CACNA2D4: variants seen among roughly 807,000 people sequenced by gnomAD.
CACNA2D4 encodes the protein calcium voltage-gated channel auxiliary subunit alpha2delta 4.
In CACNA2D4, 157 loss-of-function variants were observed where a neutral mutation model predicts 163.8. The observed-to-expected ratio is 0.96, with a 90% CI of 0.84 to 1.09. The LOEUF is 1.09. Ranked by LOEUF, CACNA2D4 falls within the 50% of genes least tolerant of loss-of-function variation. The pLI is 0.00. For missense variants in CACNA2D4, 1,410 were observed against 1,479.9 expected (o/e 0.95, Z 0.78); for synonymous variants, 598 against 586.9 (o/e 1.02, Z -0.27).
rs772802489 is a variant in CACNA2D4, at chr12:1,858,586, C to G, written c.1999G>C (p.Val667Leu). 6.2e-7 allele frequency: 1 copy of G among 1,613,522 alleles called. No individual in the cohort carries two copies. Among genetic ancestry groups the G allele is most frequent in the Non-Finnish European group, 8.5e-7 (1 of 1,179,690 alleles). Reference protein sequence around the residue: ...GEYILLGNTSVEEGLHDLLHP... With the variant: ...GEYILLGNTSLEEGLHDLLHP... Reference sequence around the variant, plus strand: ...CCTGGTACCGACCCACCTTCTTCCACAGACGTGTTCCCCAGAAGGATGTAT... The same window carrying G: ...CCTGGTACCGACCCACCTTCTTCCAGAGACGTGTTCCCCAGAAGGATGTAT... Residue 667 changes from valine (V) to leucine (L), a missense_variant, in exon 20 of 38, where the codon GTG becomes CTG. Transcript: ENST00000382722.
In CACNA2D4 at chr12:1,828,278, G is replaced by C. The variant is rs1477826071; in HGVS notation, c.2551+12461C>G. On this transcript the variant is annotated intron_variant, in intron 26 of 37. Coordinates refer to ENST00000382722, the MANE Select transcript of CACNA2D4 (RefSeq NM_172364.5). This position sits in a 1 kb window ranked among gnomAD's most constrained non-coding sequence, Gnocchi z 4.2. ...GGGTGGGGGTGCCGAGGTGACTGTA[G>C]GTAGCGCCATATGGGACCTTAGCCA... 18 of 1,410,840 alleles carry C rather than the reference G, an allele frequency of 1.3e-5. No individual in the cohort carries two copies. Among genetic ancestry groups the C allele is most frequent in the African/African-American group, 2.9e-5 (2 of 69,298 alleles). 87.4% of individuals were successfully genotyped at this position (1,410,840 alleles called of 1,614,324 possible).
chr12:1,878,313 A>G lies in CACNA2D4; in HGVS notation c.1719+2T>C. The G allele has an allele frequency of 6.2e-7, 1 of 1,607,808 alleles. No individual in the cohort carries two copies. Among genetic ancestry groups the G allele is most frequent in the Non-Finnish European group, 8.5e-7 (1 of 1,177,340 alleles). On this transcript the variant is annotated splice_donor_variant, in intron 16 of 37. Transcript: ENST00000382722. LOFTEE classifies it high-confidence loss of function. The surrounding 1 kb of genome is among the most constrained non-coding windows in gnomAD (Gnocchi z 4.6). ...CCCAAGGCAAAGAAGATCTGTACCT[A>G]CCAGGGGCCGGAGGTCGGGATGGGA...
chr12:1,865,001 G>A lies in CACNA2D4; in HGVS notation c.1879-4795C>T, dbSNP rs534387330. On this transcript the variant is annotated intron_variant, in intron 18 of 37. Coordinates refer to ENST00000382722, the MANE Select transcript of CACNA2D4 (RefSeq NM_172364.5). ...GCTCCCGGGTCTCCAGGTGGGCGCCGCGCTCCCGCTGGCTGAGGTCATGCC... is the reference window on the plus strand; with the variant it reads ...GCTCCCGGGTCTCCAGGTGGGCGCCACGCTCCCGCTGGCTGAGGTCATGCC... Among the ~76,000 whole-genome samples the A allele has an allele frequency of 6.6e-5, 10 of 152,254 alleles. No homozygotes were observed. The East Asian group carries it at 1.9e-3, about 29-fold the overall frequency.
At chr12:1,867,766 A>G (rs751310682) in intron 18 of CACNA2D4, among the ~76,000 whole-genome samples, 1 of 152,186 alleles carries the variant, frequency 6.6e-6, no homozygotes, top group Non-Finnish European at 1.5e-5. Context: ...CCAAAAAACA[A>G]CACCACCACC....
At chr12:1,813,139 A>G (rs76782035) in intron 26 of CACNA2D4, among the ~76,000 whole-genome samples, 4,424 of 152,280 alleles carry the variant, frequency 0.029, 133 homozygotes, top group East Asian at 0.17. Flanking sequence ...TTCCCCTGGA[A>G]GGGCAGAAGT....
chr12:1,861,299 T>C (rs1865519769), intron 18 of CACNA2D4, among the ~76,000 whole-genome samples: 1 of 152,196 alleles, frequency 6.6e-6, no homozygotes, highest in Non-Finnish European at 1.5e-5. Context: ...CTGGCTCCTC[T>C]GCCCAGTCAG....
rs1190082678 is a variant in CACNA2D4 at position 1,886,257 on chromosome 12, G to C, written c.959C>G (p.Thr320Ser). Residue 320 changes from threonine to serine, a missense_variant, in exon 8 of 38, where the codon ACC (threonine) becomes AGC (serine). Transcript: ENST00000382722. The stretch of plus-strand genomic sequence containing the variant: ...ATTAATGAAGTCATTCTCCCCCAGG[G>C]TGTCCAAGATGGTGGTGATGGTGTG... ...AKHTITTILD[T>S]LGENDFINII... is the part of the protein sequence containing the mutation. The C allele has an allele frequency of 6.2e-7, 1 of 1,613,512 alleles. No homozygotes were observed. Among genetic ancestry groups the C allele is most frequent in the African/African-American group, 1.3e-5 (1 of 74,998 alleles).
At chr12:1,796,863 C>T (rs953764036) in intron 35 of CACNA2D4, among the ~76,000 whole-genome samples, 4 of 152,332 alleles carry the variant, frequency 2.6e-5, no homozygotes, top group African/African-American at 9.6e-5. Context: ...GGCCTCCCTG[C>T]CTCCCCGGGG....
chr12:1,870,645 T>A (rs1193519607), intron 18 of CACNA2D4, among the ~76,000 whole-genome samples: 1 of 151,786 alleles, frequency 6.6e-6, no homozygotes, highest in Non-Finnish European at 1.5e-5. Flanking sequence ...TTGTTCAGAG[T>A]TTATAATTGT....
chr12:1,899,874 C>T (rs1481091763), intron 6 of CACNA2D4, among the ~76,000 whole-genome samples: 1 of 151,554 alleles, frequency 6.6e-6, no homozygotes, highest in African/African-American at 2.4e-5. Context: ...AAATCCTAAA[C>T]AAAATATTAA....
chr12:1,842,650 C>T (rs1235049338), intron 25 of CACNA2D4, among the ~76,000 whole-genome samples: 1 of 151,280 alleles, frequency 6.6e-6, no homozygotes, highest in African/African-American at 2.4e-5. Context: ...TAAAGCTCCC[C>T]CAGCAGCCAG....
chr12:1,829,360 G>T lies in CACNA2D4; in HGVS notation c.2551+11379C>A, dbSNP rs144814995. 1.6e-4 allele frequency among the ~76,000 whole-genome samples: 24 copies of T among 152,294 alleles called. No individual in the cohort carries two copies. Among genetic ancestry groups the T allele is most frequent in the Middle Eastern group, 3.4e-3 (1 of 294 alleles). On this transcript the variant is annotated intron_variant, in intron 26 of 37. Transcript: ENST00000382722. This position sits in a 1 kb window ranked among gnomAD's most constrained non-coding sequence, Gnocchi z 4.2. Reference sequence around the variant, plus strand: ...AAATGGCTTGGGGTGGTGGTATGGGGCTGGCTGATCTGGTAGCAGACGGGC... The same window carrying T: ...AAATGGCTTGGGGTGGTGGTATGGGTCTGGCTGATCTGGTAGCAGACGGGC...
Position 1,806,357 on chromosome 12 carries a change from A to G in CACNA2D4, c.2721+3921T>C, listed in dbSNP as rs1385873722. Among the ~76,000 whole-genome samples, 1 of 152,208 alleles carries G rather than the reference A, an allele frequency of 6.6e-6. No homozygotes were observed. The highest frequency in any genetic ancestry group is 2.4e-5 in the African/African-American group (1 of 41,452). On this transcript the variant is annotated intron_variant, in intron 29 of 37. Coordinates refer to ENST00000382722, the MANE Select transcript of CACNA2D4 (RefSeq NM_172364.5). This position sits in a 1 kb window ranked among gnomAD's most constrained non-coding sequence, Gnocchi z 4.1. The stretch of plus-strand genomic sequence containing the variant: ...ATAAGAATGAGCCCTGGCCTGGAAG[A>G]GAGGCCAAATGTCTAATCAGCAGGC...
chr12:1,854,399 T>C (rs985662218), intron 22 of CACNA2D4, among the ~76,000 whole-genome samples: 3 of 152,114 alleles, frequency 2.0e-5, no homozygotes, highest in Non-Finnish European at 4.4e-5. Flanking sequence ...GTCAGTTCTG[T>C]GAATTTTTTG....
Position 1,811,731 on chromosome 12 carries a change from G to A in CACNA2D4, c.2552-8C>T. On this transcript the variant is annotated splice_polypyrimidine_tract_variant and splice_region_variant and intron_variant, in intron 26 of 37. Transcript: ENST00000382722. ...TCATTTGGACGCCCGCGGCTACAGG[G>A]CAGAAAGAGAGAGGGCAAGGCCAGG... The A allele has an allele frequency of 6.4e-7, 1 of 1,558,550 alleles. No homozygotes were observed. Among genetic ancestry groups the A allele is most frequent in the Admixed American group, 1.9e-5 (1 of 52,272 alleles).
intron 13 of CACNA2D4, among the ~76,000 whole-genome samples, chr12:1,882,091 G>A (rs937198960): frequency 6.6e-6 from 1 of 152,218 alleles, no homozygotes; most frequent in Non-Finnish European, 1.5e-5. Flanking sequence ...ATGCTTAAGT[G>A]TGGTTTCAGT....
At chr12:1,840,439 AAG>A (rs1491392526) in intron 26 of CACNA2D4, among the ~76,000 whole-genome samples, 5 of 1,782 alleles carry the variant, frequency 2.8e-3, no homozygotes, top group Non-Finnish European at 4.7e-3. Context: ...TATTATGTGG[AAG>A]AGGGGGGTGG....
At chr12:1,825,238 G>T (rs769553678) in intron 26 of CACNA2D4, among the ~76,000 whole-genome samples, 23 of 152,314 alleles carry the variant, frequency 1.5e-4, no homozygotes, top group Middle Eastern at 6.8e-3. Context: ...ACTGAGGGAT[G>T]GGAGAGGGTG....
At chr12:1,832,692 C>T (rs1305918854) in intron 26 of CACNA2D4, among the ~76,000 whole-genome samples, 7 of 152,324 alleles carry the variant, frequency 4.6e-5, no homozygotes, top group African/African-American at 1.2e-4. Flanking sequence ...TCATTTCCCC[C>T]ATTTTCATGA....
Sources: gnomAD v4.1 joint callset for allele counts (sites outside exome capture counted in the v4.1 genomes callset) on GRCh38, gnomAD v4.1.1 for gene constraint, Gnocchi (gnomAD v3.1) non-coding constraint, MANE v1.5 for transcripts, NCBI Gene and HGNC (gene_info 2026-07-23, HGNC 2026-07-21) for gene names.